MIB2: variants seen among roughly 807,000 people sequenced by gnomAD.
MIB2 encodes the protein E3 ubiquitin-protein ligase MIB2.
MIB2 carries 78 observed loss-of-function variants against 96.6 expected under a neutral mutation model. The observed-to-expected ratio is 0.81, with a 90% CI of 0.67 to 0.97. MIB2 has a LOEUF of 0.97. Ranked by LOEUF, MIB2 falls within the 50% of genes least tolerant of loss-of-function variation. MIB2 has a pLI of 0.00. For missense variants in MIB2, 1,543 were observed against 1,424.0 expected, an observed-to-expected ratio of 1.08 and a Z score of -1.35; for synonymous variants, 820 against 629.5, an observed-to-expected ratio of 1.30 and a Z score of -4.53.
chr1:1,615,396 A>G (rs1643491992), upstream of MIB2: 3 of 1,448,258 alleles, frequency 2.1e-6, no homozygotes, highest in Non-Finnish European at 1.8e-6. Context: ...TAGGCGACGC[A>G]GACGCTCCCG....
At chr1:1,627,274 C>A (rs761324297) in intron 11 of MIB2, 22 bp from the exon 12 acceptor site, 1 of 1,613,190 alleles carries the variant, frequency 6.2e-7, no homozygotes. Flanking sequence ...GCCAGGGACT[C>A]ACCTGCTGGC....
rs761453337 is a variant in MIB2 at position 1,626,946 on chromosome 1, G to A, written c.1187G>A (p.Arg396Gln). The A allele has an allele frequency of 5.7e-5, 92 of 1,610,860 alleles. No individual in the cohort carries two copies. The Admixed American group carries it at 1.3e-3, about 23-fold the overall frequency. The change falls in exon 10 of 20, where the codon CGG (arginine) becomes CAG (glutamine). Residue 396 changes from arginine (R) to glutamine (Q), a missense_variant. Arg to Gln is a conservative substitution (Grantham distance 43, BLOSUM62 1). Transcript: ENST00000355826. The surrounding 1 kb of genome is among the most constrained non-coding windows in gnomAD (Gnocchi z 5.3). Reference protein sequence around the residue: ...TFSPSCLVAYRPEEDANLDVA... With the variant: ...TFSPSCLVAYQPEEDANLDVA... ...AGCCCCTCCTGCCTGGTGGCCTACC[G>A]GCCCGAGGAGGATGCCAACCTGGAC...
chr1:1,615,806 G>C, intron 1 of MIB2, 173 bp downstream of exon 1: 1 of 1,308,178 alleles, frequency 7.6e-7, no homozygotes. Context: ...GCGCAGCGCC[G>C]CCGCGGGGCC....
intron 4 of MIB2, 178 bp downstream of exon 4, chr1:1,624,123 G>C: frequency 1.3e-6 from 1 of 772,762 alleles, no homozygotes; most frequent in Non-Finnish European, 2.0e-6. Context: ...TGGCCTCTGG[G>C]TGGCTCTACA....
At chr1:1,629,919 C>T (rs1018542040) in intron 19 of MIB2, among the ~76,000 whole-genome samples, 2 of 142,582 alleles carry the variant, frequency 1.4e-5, no homozygotes, top group African/African-American at 5.2e-5. Context: ...CAAGGTAACA[C>T]CCTCCTCCCC....
At chr1:1,622,152 G>T (rs149426028) in intron 2 of MIB2, among the ~76,000 whole-genome samples, 1 of 152,218 alleles carries the variant, frequency 6.6e-6, no homozygotes, top group South Asian at 2.1e-4. Flanking sequence ...GGTCCCTCCA[G>T]CCTCCTGGGA....
Position 1,628,265 on chromosome 1 carries a change from C to T in MIB2, c.1842-8C>T. On this transcript the variant is annotated splice_polypyrimidine_tract_variant and splice_region_variant and intron_variant, in intron 14 of 19. Transcript: ENST00000355826. ...CCCAGGTCCCAGACCAACCTCCCTGCTCCACAGAGCTGTGAGAAAGATTCT... is the reference window on the plus strand; with the variant it reads ...CCCAGGTCCCAGACCAACCTCCCTGTTCCACAGAGCTGTGAGAAAGATTCT... 5 of 1,612,964 alleles carry T rather than the reference C, an allele frequency of 3.1e-6. No individual in the cohort carries two copies. The highest frequency in any genetic ancestry group is 4.2e-6 in the Non-Finnish European group (5 of 1,179,890).
In MIB2 at chr1:1,625,256, G is replaced by A. The variant is rs376546469; in HGVS notation, c.722-30G>A. ...GAAGTCCCAGAGGGGAGGGGCCGCT[G>A]CCTGAGGCCTGGTCTGCCACCCTCC... On this transcript the variant is annotated intron_variant, in intron 6 of 19. Coordinates refer to ENST00000355826, the MANE Select transcript of MIB2 (RefSeq NM_001170687.4). The surrounding 1 kb of genome is among the most constrained non-coding windows in gnomAD (Gnocchi z 5.0). The A allele has an allele frequency of 9.3e-5, 148 of 1,596,456 alleles. No individual in the cohort carries two copies. The highest frequency in any genetic ancestry group is 1.7e-4 in the Middle Eastern group (1 of 5,804).
rs1157301258 is a variant in MIB2, at chr1:1,629,658, G to A, written c.2583G>A (p.Lys861=). The A allele has an allele frequency of 1.3e-6, 2 of 1,599,982 alleles. No individual in the cohort carries two copies. The highest frequency in any genetic ancestry group is 1.7e-6 in the Non-Finnish European group (2 of 1,173,246). Residue 861 remains lysine, a synonymous_variant, in exon 19 of 20, where the codon AAG becomes AAA. Coordinates refer to ENST00000355826, the MANE Select transcript of MIB2 (RefSeq NM_001170687.4). ...TCGCAGAGTGCGCGCGCAGGATGAA[G>A]AAGTGCATCAGGTGCCAGGTGGTCG... ...TVCEECARRM[K]KCIRCQVVVS...
At position 1,629,323 on chromosome 1, in the gene MIB2, G is replaced by A; in HGVS notation, c.2381+12G>A. 2.7e-6 allele frequency: 4 copies of A among 1,474,202 alleles called. No homozygotes were observed. The highest frequency in any genetic ancestry group is 3.5e-6 in the Non-Finnish European group (4 of 1,126,980). 91.3% of individuals were successfully genotyped at this position (1,474,202 alleles called of 1,614,324 possible). ...GCCCAGCGCTTCCGGTGAGTCCGTG[G>A]ACGGCGGGGATGGGGTCCGGCGGCC... On this transcript the variant is annotated intron_variant, in intron 17 of 19. Transcript: ENST00000355826.
At chr1:1,619,527 G>T (rs1644063774) in intron 2 of MIB2, among the ~76,000 whole-genome samples, 1 of 152,244 alleles carries the variant, frequency 6.6e-6, no homozygotes, top group Admixed American at 6.5e-5. Context: ...AGATGAGGCG[G>T]CCACTCCAGG....
At position 1,626,773 on chromosome 1, in the gene MIB2, C is replaced by G. The variant is rs528678824; in HGVS notation, c.1077+19C>G. 2 of 1,566,844 alleles carry G rather than the reference C, an allele frequency of 1.3e-6. No homozygotes were observed. The highest frequency in any genetic ancestry group is 1.2e-5 in the South Asian group (1 of 86,956). ...GGCCCCTGTGAGTCCCCCTGCCACCCCCGCCGCTAGCGCCGCTGCCCCCCA... is the reference window on the plus strand; with the variant it reads ...GGCCCCTGTGAGTCCCCCTGCCACCGCCGCCGCTAGCGCCGCTGCCCCCCA... On this transcript the variant is annotated intron_variant, in intron 9 of 19. Coordinates refer to ENST00000355826, the MANE Select transcript of MIB2 (RefSeq NM_001170687.4). This position sits in a 1 kb window ranked among gnomAD's most constrained non-coding sequence, Gnocchi z 5.3.
At position 1,626,355 on chromosome 1, in the gene MIB2, G is replaced by A. The variant is rs986044634; in HGVS notation, c.973-295G>A. On this transcript the variant is annotated intron_variant, in intron 8 of 19. Coordinates refer to ENST00000355826, the MANE Select transcript of MIB2 (RefSeq NM_001170687.4). This position sits in a 1 kb window ranked among gnomAD's most constrained non-coding sequence, Gnocchi z 5.3. ...GCCCTGGCCATGTTGCCTGCTGCTG[G>A]TCAGCGTACAGCTTCCCAGGGCCAG... 4.4e-6 allele frequency: 2 copies of A among 450,626 alleles called. No homozygotes were observed. The highest frequency in any genetic ancestry group is 2.0e-5 in the African/African-American group (1 of 49,918). The allele number at this position is 450,626 out of a possible 1,614,324, so 27.9% of individuals were successfully genotyped here.
chr1:1,617,387 C>G (rs1437511876), intron 2 of MIB2: 1 of 152,290 alleles, frequency 6.6e-6, no homozygotes, highest in African/African-American at 2.4e-5. Flanking sequence ...AGGGAACTCT[C>G]TCCTCCTACA....
At chr1:1,617,016 G>T in intron 2 of MIB2, 1 of 213,742 alleles carries the variant, frequency 4.7e-6, no homozygotes. Context: ...GTGCCTGTAG[G>T]TCTCCACCCA....
chr1:1,619,591 C>T (rs1027031674), intron 2 of MIB2, among the ~76,000 whole-genome samples: 1 of 152,338 alleles, frequency 6.6e-6, no homozygotes, highest in South Asian at 2.1e-4. Flanking sequence ...AGACCCCAGA[C>T]CCTTGGGGTG....
chr1:1,625,000 G>A lies in MIB2; in HGVS notation c.536G>A (p.Gly179Glu). 6.2e-7 allele frequency: 1 copy of A among 1,611,660 alleles called. No homozygotes were observed. The highest frequency in any genetic ancestry group is 8.5e-7 in the Non-Finnish European group (1 of 1,179,058). ...WEWGSQDGGE[G>E]KPGRVVDIRG... ...GGGCCTCTTTCCCCAGGAGGGGAAG[G>A]GAAACCGGGCCGTGTGGTGGACATC... Residue 179 changes from glycine to glutamate, a missense_variant, in exon 6 of 20, where the codon GGG becomes GAG. Gly to Glu is a moderately conservative substitution (Grantham distance 98). Coordinates refer to ENST00000355826, the MANE Select transcript of MIB2 (RefSeq NM_001170687.4).
At chr1:1,628,995 C>T (rs987163400) in intron 16 of MIB2, 138 bp from the exon 17 acceptor site, 98 of 993,680 alleles carry the variant, frequency 9.9e-5, no homozygotes, top group Non-Finnish European at 1.3e-4. Flanking sequence ...GCCTGTCCCA[C>T]TTGGGTTCCG....
chr1:1,623,338 A>C, intron 2 of MIB2, 93 bp from the exon 3 acceptor site: 1 of 1,521,126 alleles, frequency 6.6e-7, no homozygotes, highest in Non-Finnish European at 8.8e-7. Context: ...CGCGGAGCCC[A>C]CTCTGACCGG....
Sources: gnomAD v4.1 joint callset for allele counts (sites outside exome capture counted in the v4.1 genomes callset) on GRCh38, gnomAD v4.1.1 for gene constraint, Gnocchi (gnomAD v3.1) non-coding constraint, MANE v1.5 for transcripts, NCBI Gene and HGNC (gene_info 2026-07-23, HGNC 2026-07-21) for gene names.